BCL2: variants seen among roughly 807,000 people sequenced by gnomAD.
BCL2 encodes apoptosis regulator Bcl-2.
A neutral mutation model predicts 14.2 loss-of-function variants in BCL2; 1 was observed. That is an observed-to-expected ratio of 0.07 (90% confidence interval 0.02 to 0.33). BCL2 has a LOEUF of 0.33. Ranked by LOEUF, BCL2 falls within the 10% of genes least tolerant of loss-of-function variation. BCL2 has a pLI of 0.99. For missense variants in BCL2, 247 were observed against 305.9 expected (o/e 0.81, Z 1.44); for synonymous variants, 151 against 137.2 (o/e 1.10, Z -0.70).
chr18:63,169,260 CT>C lies in BCL2; in HGVS notation c.586-40502del, dbSNP rs1386080001. 7.2e-4 allele frequency among the ~76,000 whole-genome samples: 39 copies of C among 54,406 alleles called. 1 individual carries two copies. The highest frequency in any genetic ancestry group is 4.1e-3 in the African/African-American group (37 of 8,924). 35.7% of individuals were successfully genotyped at this position (54,406 alleles called of 152,430 possible). A position where few individuals can be genotyped will look rare whatever the true frequency, so the allele number is the denominator to read the frequency against. On this transcript the variant is annotated intron_variant, in intron 2 of 2. Transcript: ENST00000333681. ...TTCCCCTTCGTGTTTTTCTTTCTTTCTTTCTTTCTTTCTTTCTTTCTTTCTT... is the reference window on the plus strand; with the variant it reads ...TTCCCCTTCGTGTTTTTCTTTCTTTCTTCTTTCTTTCTTTCTTTCTTTCTT...
chr18:63,156,564 T>C (rs977681945), intron 2 of BCL2, among the ~76,000 whole-genome samples: 3 of 152,186 alleles, frequency 2.0e-5, no homozygotes, highest in African/African-American at 4.8e-5. Flanking sequence ...ACACCTGTAC[T>C]GGCCCCTCCA....
intron 2 of BCL2, among the ~76,000 whole-genome samples, chr18:63,179,729 A>G (rs1915439715): frequency 6.6e-6 from 1 of 152,204 alleles, no homozygotes; most frequent in Admixed American, 6.5e-5. Context: ...GATTAAGTCA[A>G]GAGATTCCGA....
At chr18:63,314,731 CTG>C (rs1467551105) in intron 2 of BCL2, 1 of 152,206 alleles carries the variant, frequency 6.6e-6, no homozygotes, top group Non-Finnish European at 1.5e-5. Flanking sequence ...AGAATTTAAA[CTG>C]TGTTATGAGG....
At chr18:63,179,091 T>C (rs1333564823) in intron 2 of BCL2, among the ~76,000 whole-genome samples, 1 of 152,174 alleles carries the variant, frequency 6.6e-6, no homozygotes, top group African/African-American at 2.4e-5. Context: ...CTTGGGAATC[T>C]TGGAGCAGAC....
chr18:63,147,019 T>A (rs2046135), intron 2 of BCL2, among the ~76,000 whole-genome samples: 16,205 of 152,230 alleles, frequency 0.11, 1,642 homozygotes, highest in African/African-American at 0.26. Context: ...ACACATCCTT[T>A]GGAGGGGAGG....
Position 63,128,636 on chromosome 18 carries a change from C to A in BCL2, c.709G>T (p.Gly237Cys), listed in dbSNP as rs138465313. The change falls in exon 3 of 3, where the codon GGC (glycine) becomes TGC (cysteine). Residue 237 changes from glycine to cysteine, a missense_variant. Coordinates refer to ENST00000333681, the MANE Select transcript of BCL2 (RefSeq NM_000633.3). ...GACITLGAYL[G>C]HK Reference sequence around the variant, plus strand: ...CAGGCATGTTGACTTCACTTGTGGCCCAGATAGGCACCCAGGGTGATGCAA... The same window carrying A: ...CAGGCATGTTGACTTCACTTGTGGCACAGATAGGCACCCAGGGTGATGCAA... 6.4e-6 allele frequency: 5 copies of A among 780,766 alleles called. No homozygotes were observed. The South Asian group carries it at 6.7e-5, about 10-fold the overall frequency. The allele number at this position is 780,766 out of a possible 1,614,324, so 48.4% of individuals were successfully genotyped here.
intron 2 of BCL2, among the ~76,000 whole-genome samples, chr18:63,263,250 G>A (rs1161133728): frequency 2.6e-5 from 4 of 152,168 alleles, no homozygotes; most frequent in South Asian, 2.1e-4. Flanking sequence ...AGCATACCAC[G>A]GGAACTCAGG....
intron 2 of BCL2, among the ~76,000 whole-genome samples, chr18:63,301,844 A>G (rs1228526237): frequency 6.6e-6 from 1 of 152,206 alleles, no homozygotes; most frequent in African/African-American, 2.4e-5. Context: ...CAAACTCTAG[A>G]ACTAAGAGGT....
At chr18:63,141,398 G>C (rs1228979285) in intron 2 of BCL2, among the ~76,000 whole-genome samples, 1 of 151,844 alleles carries the variant, frequency 6.6e-6, no homozygotes, top group Non-Finnish European at 1.5e-5. Flanking sequence ...TGTGAGTTAG[G>C]AGGAGGCCTT....
At chr18:63,272,612 TCAA>T (rs1912035250) in intron 2 of BCL2, among the ~76,000 whole-genome samples, 1 of 152,226 alleles carries the variant, frequency 6.6e-6, no homozygotes, top group South Asian at 2.1e-4. Flanking sequence ...TTTAGCTATA[TCAA>T]CAACAACATT....
intron 2 of BCL2, among the ~76,000 whole-genome samples, chr18:63,294,075 T>C (rs904450050): frequency 2.0e-5 from 3 of 152,220 alleles, no homozygotes; most frequent in Non-Finnish European, 2.9e-5. Context: ...GCGCCTTATT[T>C]TGTGATCACA....
chr18:63,245,204 T>C (rs1911120417), intron 2 of BCL2, among the ~76,000 whole-genome samples: 1 of 152,200 alleles, frequency 6.6e-6, no homozygotes, highest in Non-Finnish European at 1.5e-5. Flanking sequence ...AGAAATAAAC[T>C]ACTCAGGCCA....
In BCL2 at chr18:63,318,959, G is replaced by T; in HGVS notation, c.-286-7C>A. 1 of 1,293,346 alleles carries T rather than the reference G, an allele frequency of 7.7e-7. No homozygotes were observed. Among genetic ancestry groups the T allele is most frequent in the Non-Finnish European group, 9.9e-7 (1 of 1,012,302 alleles). 80.1% of individuals were successfully genotyped at this position (1,293,346 alleles called of 1,614,324 possible). On this transcript the variant is annotated splice_polypyrimidine_tract_variant and splice_region_variant and intron_variant, in intron 1 of 2. Transcript: ENST00000333681. The surrounding 1 kb of genome is among the most constrained non-coding windows in gnomAD (Gnocchi z 7.4). ...GTCTACTTCCTCTGTGATGCTGAAA[G>T]GTTAAAGAAAAAACAAACTAATAAG...
chr18:63,282,194 T>A (rs1427782792), intron 2 of BCL2, among the ~76,000 whole-genome samples: 2 of 152,218 alleles, frequency 1.3e-5, no homozygotes, highest in African/African-American at 4.8e-5. Flanking sequence ...AATAAGTCAT[T>A]TCAATTAGGT....
At chr18:63,232,940 A>G (rs769694533) in intron 2 of BCL2, among the ~76,000 whole-genome samples, 7 of 152,214 alleles carry the variant, frequency 4.6e-5, no homozygotes, top group Non-Finnish European at 8.8e-5. Flanking sequence ...GGTTGCTATA[A>G]CACAAATACC....
intron 2 of BCL2, among the ~76,000 whole-genome samples, chr18:63,249,560 A>G (rs1911245391): frequency 1.3e-5 from 2 of 152,212 alleles, no homozygotes; most frequent in South Asian, 4.1e-4. Context: ...TGCCAAAAAA[A>G]TTAGCTGGGC....
chr18:63,220,921 T>C (rs1030260121), intron 2 of BCL2, among the ~76,000 whole-genome samples: 6 of 152,166 alleles, frequency 3.9e-5, no homozygotes, highest in Admixed American at 1.3e-4. Flanking sequence ...ATTACTACTC[T>C]GTATTCAAGA....
chr18:63,157,850 C>T (rs186162518), intron 2 of BCL2, among the ~76,000 whole-genome samples: 13 of 152,308 alleles, frequency 8.5e-5, no homozygotes, highest in Admixed American at 2.6e-4. Flanking sequence ...ACAAATACCG[C>T]TCAGCACCTG....
chr18:63,214,738 G>A (rs796864413), intron 2 of BCL2, among the ~76,000 whole-genome samples: 12 of 150,230 alleles, frequency 8.0e-5, no homozygotes, highest in African/African-American at 2.5e-4. Context: ...TGAGACATAC[G>A]CTCACTCTGT....
Sources: gnomAD v4.1 joint callset for allele counts (sites outside exome capture counted in the v4.1 genomes callset) on GRCh38, gnomAD v4.1.1 for gene constraint, Gnocchi (gnomAD v3.1) non-coding constraint, MANE v1.5 for transcripts, NCBI Gene and HGNC (gene_info 2026-07-23, HGNC 2026-07-21) for gene names.